TYR: variants seen among roughly 807,000 people sequenced by gnomAD.
The protein encoded by TYR is tyrosinase.
A neutral mutation model predicts 51.5 loss-of-function variants in TYR; 58 were observed. The observed-to-expected ratio is 1.13, with a 90% CI of 0.91 to 1.40. The LOEUF is 1.40. Ranked by LOEUF, TYR falls within the 40% of genes most tolerant of loss-of-function variation. The pLI is 0.00. For synonymous variants in TYR, 263 were observed against 235.2 expected (o/e 1.12, Z -1.08); for missense variants, 732 against 647.4 (o/e 1.13, Z -1.42).
At chr11:89,220,982 A>C (rs1943904203) in intron 2 of TYR, among the ~76,000 whole-genome samples, 1 of 152,192 alleles carries the variant, frequency 6.6e-6, no homozygotes, top group South Asian at 2.1e-4. Flanking sequence ...AATAATAAAC[A>C]CTTTAATAAC....
intron 2 of TYR, among the ~76,000 whole-genome samples, chr11:89,207,058 C>A (rs12807511): frequency 0.16 from 24,350 of 151,648 alleles, 2,375 homozygotes; most frequent in African/African-American, 0.28. Flanking sequence ...AACTCAAACT[C>A]CAGAACCTAG....
intron 2 of TYR, among the ~76,000 whole-genome samples, chr11:89,222,382 C>T (rs1943923285): frequency 6.6e-6 from 1 of 152,110 alleles, no homozygotes; most frequent in Non-Finnish European, 1.5e-5. Flanking sequence ...AAGAAACAAA[C>T]ATAAACTTTT....
chr11:89,257,105 A>C (rs867551400), intron 3 of TYR, among the ~76,000 whole-genome samples: 1 of 151,998 alleles, frequency 6.6e-6, no homozygotes, highest in African/African-American at 2.4e-5. Context: ...ACAAGAAGGA[A>C]CAAGTCCTTT....
chr11:89,188,114 C>T (rs960750793), intron 1 of TYR, among the ~76,000 whole-genome samples: 2 of 149,342 alleles, frequency 1.3e-5, no homozygotes, highest in African/African-American at 4.9e-5. Context: ...ACTGTCTCAC[C>T]CACTCACACT....
intron 3 of TYR, among the ~76,000 whole-genome samples, chr11:89,248,240 T>C (rs769967326): frequency 1.3e-4 from 20 of 152,160 alleles, no homozygotes; most frequent in Non-Finnish European, 2.9e-5. Flanking sequence ...GCTATTAAAA[T>C]ATTTGCATTC....
In TYR at chr11:89,178,095, C is replaced by T. The variant is rs1246720541; in HGVS notation, c.142C>T (p.Gln48Ter). 6.2e-7 allele frequency: 1 copy of T among 1,614,180 alleles called. No individual in the cohort carries two copies. The highest frequency in any genetic ancestry group is 1.7e-5 in the Admixed American group (1 of 60,026). ...GAGCGGGGACAGGAGTCCCTGTGGC[C>T]AGCTTTCAGGCAGAGGTTCCTGTCA... is the stretch of plus-strand genomic sequence containing the variant. Reference protein sequence around the residue: ...PWSGDRSPCGQLSGRGSCQNI... With the variant: ...PWSGDRSPCG The change falls in exon 1 of 5, where the codon CAG (glutamine) becomes TAG (stop). Residue 48 changes from glutamine (Q) to a stop codon, truncating the protein, a stop_gained. Coordinates refer to ENST00000263321, the MANE Select transcript of TYR (RefSeq NM_000372.5). LOFTEE classifies it high-confidence loss of function.
intron 3 of TYR, among the ~76,000 whole-genome samples, chr11:89,248,906 A>G (rs1257436532): frequency 2.0e-5 from 3 of 152,166 alleles, no homozygotes; most frequent in Admixed American, 6.5e-5. Context: ...TTAATGGACT[A>G]TGTGATAATA....
At chr11:89,269,734 A>T (rs1944568025) in intron 3 of TYR, among the ~76,000 whole-genome samples, 1 of 151,906 alleles carries the variant, frequency 6.6e-6, no homozygotes, top group South Asian at 2.1e-4. Flanking sequence ...CAGGATTTTC[A>T]TTTGAAGCTA....
At chr11:89,248,857 G>A (rs1026481159) in intron 3 of TYR, among the ~76,000 whole-genome samples, 11 of 152,146 alleles carry the variant, frequency 7.2e-5, no homozygotes, top group South Asian at 2.1e-4. Context: ...ACAGAAAACC[G>A]AACCTTATGT....
At chr11:89,265,691 G>A (rs879411016) in intron 3 of TYR, among the ~76,000 whole-genome samples, 12 of 151,968 alleles carry the variant, frequency 7.9e-5, no homozygotes, top group Non-Finnish European at 1.5e-4. Context: ...CAAATTGTTT[G>A]TTAGCAGAAG....
intron 2 of TYR, among the ~76,000 whole-genome samples, chr11:89,212,860 G>A (rs1943779084): frequency 6.6e-6 from 1 of 152,152 alleles, no homozygotes; most frequent in Non-Finnish European, 1.5e-5. Flanking sequence ...CTCCATAGAT[G>A]CAGAAAAGGC....
At chr11:89,257,226 T>C (rs1350254381) in intron 3 of TYR, among the ~76,000 whole-genome samples, 3 of 151,960 alleles carry the variant, frequency 2.0e-5, no homozygotes, top group East Asian at 3.9e-4. Flanking sequence ...TAGGACATCG[T>C]TGGGGCTGGA....
At chr11:89,293,336 TACACACAC>T (rs59899373) in intron 4 of TYR, among the ~76,000 whole-genome samples, 2,765 of 147,628 alleles carry the variant, frequency 0.019, 70 homozygotes, top group African/African-American at 0.058. Context: ...ATTTTATGCA[TACACACAC>T]ACACACACAC....
chr11:89,183,634 A>C (rs1943330340), intron 1 of TYR, among the ~76,000 whole-genome samples: 1 of 152,080 alleles, frequency 6.6e-6, no homozygotes, highest in Non-Finnish European at 1.5e-5. Flanking sequence ...CTAAAATTAG[A>C]ATAATATAGG....
chr11:89,198,450 A>G (rs1053596406), intron 2 of TYR, among the ~76,000 whole-genome samples: 56 of 152,228 alleles, frequency 3.7e-4, no homozygotes, highest in African/African-American at 1.3e-3. Flanking sequence ...GATGATTGCC[A>G]GACCAGGAAA....
At chr11:89,188,481 A>T (rs1943404075) in intron 1 of TYR, among the ~76,000 whole-genome samples, 1 of 152,084 alleles carries the variant, frequency 6.6e-6, no homozygotes, top group South Asian at 2.1e-4. Flanking sequence ...TAAATGTTTA[A>T]TAACTTGTTC....
intron 1 of TYR, among the ~76,000 whole-genome samples, chr11:89,182,449 T>A (rs1340036621): frequency 6.6e-6 from 1 of 152,132 alleles, no homozygotes; most frequent in Non-Finnish European, 1.5e-5. Context: ...TGTCGTTCTC[T>A]CTGGTAGTTC....
At chr11:89,219,499 G>A (rs189900020) in intron 2 of TYR, among the ~76,000 whole-genome samples, 2 of 152,008 alleles carry the variant, frequency 1.3e-5, no homozygotes, top group Admixed American at 6.6e-5. Context: ...ATGTTGGCCA[G>A]GCTGGTTTTG....
intron 2 of TYR, among the ~76,000 whole-genome samples, chr11:89,220,128 T>A (rs536730419): frequency 6.6e-6 from 1 of 151,180 alleles, no homozygotes; most frequent in East Asian, 1.9e-4. Flanking sequence ...TTTAAAGAAA[T>A]CTCAGACTAG....
Sources: allele counts gnomAD v4.1 joint callset (sites outside exome capture counted in the v4.1 genomes callset), GRCh38; gene constraint gnomAD v4.1.1; transcripts MANE v1.5; gene names NCBI Gene and HGNC (gene_info 2026-07-23, HGNC 2026-07-21).